The following MCPH1 variants were observed in gnomAD, a reference collection of about 807,000 sequenced individuals.
The protein encoded by MCPH1 is microcephalin.
MCPH1 carries 104 observed loss-of-function variants against 84.5 expected under a neutral mutation model. The observed-to-expected ratio is 1.23, with a 90% CI of 1.05 to 1.45. The LOEUF (loss-of-function observed/expected upper bound fraction) is 1.45, where lower values mean the gene tolerates loss of function less well. Ranked by LOEUF, MCPH1 falls within the 40% of genes most tolerant of loss-of-function variation. The pLI, the probability that MCPH1 is intolerant of heterozygous loss-of-function variation, is 0.00. For synonymous variants in MCPH1, 514 were observed against 366.8 expected, an observed-to-expected ratio of 1.40 and a Z score of -4.58; for missense variants, 1,498 against 1,005.7, an observed-to-expected ratio of 1.49 and a Z score of -6.62.
At chr8:6,548,743 A>G (rs1823057773) in intron 12 of MCPH1, among the ~76,000 whole-genome samples, 1 of 152,242 alleles carries the variant, frequency 6.6e-6, no homozygotes, top group South Asian at 2.1e-4. Context: ...TATAACAAGC[A>G]TCTCTCTCTG....
rs138614145 is a variant in MCPH1 at position 6,596,219 on chromosome 8, C to G, written c.2215-25235C>G. ...GCTCCAGTCTCAGCTCTGCCACGAACTGGCACTGTGCCTTGGACCAAGTCA... is the reference window on the plus strand; with the variant it reads ...GCTCCAGTCTCAGCTCTGCCACGAAGTGGCACTGTGCCTTGGACCAAGTCA... On this transcript the variant is annotated intron_variant, in intron 12 of 13. Transcript: ENST00000344683. Among the ~76,000 whole-genome samples the G allele has an allele frequency of 1.9e-4, 29 of 152,272 alleles. No individual in the cohort carries two copies. The East Asian group carries it at 5.6e-3, about 29-fold the overall frequency.
intron 8 of MCPH1, chr8:6,446,638 A>T (rs559631650): frequency 1.0e-4 from 99 of 981,702 alleles, no homozygotes; most frequent in Non-Finnish European, 1.1e-4. Context: ...AAAAGTTAAT[A>T]TAAAACAATA....
At chr8:6,609,940 T>C (rs1442970817) in intron 12 of MCPH1, among the ~76,000 whole-genome samples, 1 of 151,734 alleles carries the variant, frequency 6.6e-6, no homozygotes, top group Non-Finnish European at 1.5e-5. Flanking sequence ...ATAAGTTCTT[T>C]GGCAGTTCTC....
chr8:6,598,511 C>T (rs577114158), intron 12 of MCPH1, among the ~76,000 whole-genome samples: 24 of 152,310 alleles, frequency 1.6e-4, no homozygotes, highest in South Asian at 4.1e-4. Flanking sequence ...CCCACCAGCT[C>T]CGCAGAGGAA....
chr8:6,498,866 C>T (rs780295039), intron 11 of MCPH1, among the ~76,000 whole-genome samples: 3 of 151,818 alleles, frequency 2.0e-5, no homozygotes, highest in Non-Finnish European at 4.4e-5. Context: ...CTGGCCAACA[C>T]GGTGAAACCC....
intron 2 of MCPH1, among the ~76,000 whole-genome samples, chr8:6,413,423 G>C (rs1798814079): frequency 6.6e-6 from 1 of 150,676 alleles, no homozygotes; most frequent in African/African-American, 2.4e-5. Flanking sequence ...GGATTCTTTT[G>C]ATCTAGAATG....
chr8:6,434,194 G>A (rs1025467108), intron 4 of MCPH1, among the ~76,000 whole-genome samples: 1 of 152,174 alleles, frequency 6.6e-6, no homozygotes, highest in East Asian at 1.9e-4. Context: ...GAATACAGTT[G>A]CTAGAGAAGA....
At chr8:6,448,496 CAG>C (rs1804694201) in intron 8 of MCPH1, among the ~76,000 whole-genome samples, 1 of 152,180 alleles carries the variant, frequency 6.6e-6, no homozygotes, top group South Asian at 2.1e-4. Flanking sequence ...GGCTTTTGAA[CAG>C]GGGAGCAACC....
At chr8:6,583,862 T>G (rs1427389162) in intron 12 of MCPH1, among the ~76,000 whole-genome samples, 2 of 151,724 alleles carry the variant, frequency 1.3e-5, no homozygotes, top group African/African-American at 4.8e-5. Context: ...GTTTTGTTTT[T>G]TTTTTTAAGA....
chr8:6,600,895 C>G (rs1402603836), intron 12 of MCPH1, among the ~76,000 whole-genome samples: 2 of 152,170 alleles, frequency 1.3e-5, no homozygotes, highest in Non-Finnish European at 2.9e-5. Flanking sequence ...ACATCTCACC[C>G]AGGAGACGGG....
intron 9 of MCPH1, among the ~76,000 whole-genome samples, chr8:6,465,003 A>G (rs1806695965): frequency 6.6e-6 from 1 of 152,024 alleles, no homozygotes; most frequent in East Asian, 1.9e-4. Context: ...ATCTCAGAAA[A>G]AAAAAAAAAG....
chr8:6,481,021 C>T (rs1393531484), intron 11 of MCPH1, 145 bp downstream of exon 11: 1 of 1,026,628 alleles, frequency 9.7e-7, no homozygotes, highest in East Asian at 2.5e-5. Flanking sequence ...ACCCGTCTTT[C>T]CTCCTGTTGG....
chr8:6,614,082 C>T (rs1329257443), intron 12 of MCPH1, among the ~76,000 whole-genome samples: 2 of 152,124 alleles, frequency 1.3e-5, no homozygotes, highest in Non-Finnish European at 2.9e-5. Context: ...CAGTGCAGGC[C>T]ACATTGTCAC....
intron 13 of MCPH1, chr8:6,624,837 C>CT: frequency 2.0e-6 from 2 of 984,790 alleles, no homozygotes; most frequent in Non-Finnish European, 2.4e-6. Flanking sequence ...CAGGTCCAGG[C>CT]TATTTGCTTA....
At chr8:6,621,024 G>T in intron 12 of MCPH1, 1 of 252,210 alleles carries the variant, frequency 4.0e-6, no homozygotes, top group Non-Finnish European at 7.7e-6. Flanking sequence ...CCAACAGCCT[G>T]GAGCGCGCTG....
At chr8:6,491,024 T>A (rs1183567549) in intron 11 of MCPH1, among the ~76,000 whole-genome samples, 1 of 147,214 alleles carries the variant, frequency 6.8e-6, no homozygotes, top group Non-Finnish European at 1.5e-5. Flanking sequence ...ATTTTTAGAA[T>A]ATTAAAATTT....
intron 12 of MCPH1, among the ~76,000 whole-genome samples, chr8:6,561,423 C>G (rs1055095459): frequency 6.6e-6 from 1 of 152,194 alleles, no homozygotes; most frequent in African/African-American, 2.4e-5. Flanking sequence ...TTAGTCGTTT[C>G]CTCTCTGAAG....
chr8:6,538,724 C>G (rs1209913366), intron 12 of MCPH1, among the ~76,000 whole-genome samples: 1 of 152,156 alleles, frequency 6.6e-6, no homozygotes, highest in Non-Finnish European at 1.5e-5. Flanking sequence ...TGTGTCATTT[C>G]ATTTTAAATC....
chr8:6,625,553 A>C lies in MCPH1; in HGVS notation c.2452+3862A>C, dbSNP rs1018282928. The C allele has an allele frequency of 3.1e-6, 3 of 982,924 alleles. No homozygotes were observed. In the African/African-American group the frequency reaches 5.2e-5, roughly 17 times the overall value. 60.9% of individuals were successfully genotyped at this position (982,924 alleles called of 1,614,324 possible). On this transcript the variant is annotated intron_variant, in intron 13 of 13. Transcript: ENST00000344683. ...TTTTGTTTAAATAAATTAAATTATG[A>C]AAAGACAATACTCAAAAAAAAATCA...
Sources: gnomAD v4.1 joint callset for allele counts (sites outside exome capture counted in the v4.1 genomes callset) on GRCh38, gnomAD v4.1.1 for gene constraint, MANE v1.5 for transcripts, NCBI Gene and HGNC (gene_info 2026-07-23, HGNC 2026-07-21) for gene names.